Variants in HERC2 observed in about 807,000 individuals in gnomAD.
The protein encoded by HERC2 is E3 ubiquitin-protein ligase HERC2.
A neutral mutation model predicts 537.7 loss-of-function variants in HERC2; 102 were observed. The ratio of observed to expected loss-of-function variants is 0.19; its 90% CI spans 0.16 to 0.22. HERC2 has a LOEUF of 0.22. Among genes scored for constraint, HERC2 ranks in the 10% least tolerant of loss-of-function variants. HERC2 has a pLI of 1.00. For missense variants in HERC2, 4,236 were observed against 6,198.2 expected, an observed-to-expected ratio of 0.68 and a Z score of 10.63; for synonymous variants, 2,224 against 2,466.2, an observed-to-expected ratio of 0.90 and a Z score of 2.91.
At position 28,212,583 on chromosome 15, in the gene HERC2, G is replaced by C; in HGVS notation, c.6787C>G (p.Leu2263Val). 1 of 1,607,346 alleles carries C rather than the reference G, an allele frequency of 6.2e-7. No individual in the cohort carries two copies. The highest frequency in any genetic ancestry group is 8.5e-7 in the Non-Finnish European group (1 of 1,176,278). The change falls in exon 43 of 93, where the codon CTC becomes GTC. Residue 2263 changes from leucine to valine, a missense_variant and splice_region_variant. Leu to Val is a conservative substitution (Grantham distance 32, BLOSUM62 1). Transcript: ENST00000261609. ...TTCACATTAAAGGCCACGGCAGGGA[G>C]CTGGAGAGGACACAGAAGCTGTCAG... Reference protein sequence around the residue: ...RVCPLNQLKPLPAVAFNVNNL... With the variant: ...RVCPLNQLKPVPAVAFNVNNL...
At chr15:28,300,791 C>A (rs1341197518) in intron 2 of HERC2, among the ~76,000 whole-genome samples, 1 of 111,192 alleles carries the variant, frequency 9.0e-6, no homozygotes, top group Non-Finnish European at 1.6e-5. Context: ...TCACTGCGCT[C>A]CAGCCTGGGT....
Position 28,270,863 on chromosome 15 carries a change from C to A in HERC2, c.1089G>T (p.Leu363Phe), listed in dbSNP as rs777915114. Residue 363 changes from leucine to phenylalanine, a missense_variant, in exon 10 of 93, where the codon TTG (leucine) becomes TTT (phenylalanine). By Grantham distance (22) the Leu-to-Phe change is conservative (BLOSUM62 0). Coordinates refer to ENST00000261609, the MANE Select transcript of HERC2 (RefSeq NM_004667.6). ...APHSEGDMHL[L>F]SGPLSPNESF... ...TCTCATTGGGGCTCAGAGGGCCAGA[C>A]AAAAGCTAGAAAGGAAAAGTAAACA... The A allele has an allele frequency of 1.9e-6, 3 of 1,613,054 alleles. No individual in the cohort carries two copies. The highest frequency in any genetic ancestry group is 2.5e-6 in the Non-Finnish European group (3 of 1,179,702).
In HERC2 at chr15:28,206,879, T is replaced by C. The variant is rs955850517; in HGVS notation, c.7070-497A>G. On this transcript the variant is annotated intron_variant, in intron 44 of 92. Transcript: ENST00000261609. ...AAAAAAAATTAACTGGGCGTGGTGG[T>C]GCGTGCCTGTAATCCCAGCTACTCG... Among the ~76,000 whole-genome samples, 23 of 139,880 alleles carry C rather than the reference T, an allele frequency of 1.6e-4. No homozygotes were observed. In the East Asian group the frequency reaches 4.6e-3, roughly 28 times the overall value. 91.8% of individuals were successfully genotyped at this position (139,880 alleles called of 152,430 possible). A position where few individuals can be genotyped will look rare whatever the true frequency, so the allele number is the denominator to read the frequency against.
chr15:28,162,210 A>G (rs936033643), intron 69 of HERC2, among the ~76,000 whole-genome samples: 22 of 152,318 alleles, frequency 1.4e-4, no homozygotes, highest in African/African-American at 5.3e-4. Flanking sequence ...CATGCCTGTA[A>G]TCCCAGCTAC....
At chr15:28,223,278 G>T (rs1047422173) in intron 35 of HERC2, among the ~76,000 whole-genome samples, 46 of 152,100 alleles carry the variant, frequency 3.0e-4, no homozygotes, top group African/African-American at 9.9e-4. Flanking sequence ...AAACTGAGAG[G>T]GGGTAGGAGT....
intron 52 of HERC2, among the ~76,000 whole-genome samples, chr15:28,192,352 T>C (rs895779384): frequency 2.6e-5 from 4 of 152,202 alleles, no homozygotes; most frequent in East Asian, 1.9e-4. Flanking sequence ...CATAATGCTA[T>C]GATTTATTCT....
intron 56 of HERC2, 152 bp downstream of exon 56, chr15:28,186,425 A>G: frequency 1.8e-6 from 1 of 553,534 alleles, no homozygotes; most frequent in South Asian, 4.0e-5. Flanking sequence ...TTTAAAAAAT[A>G]CAATTTTTGG....
intron 53 of HERC2, among the ~76,000 whole-genome samples, chr15:28,191,683 C>T (rs532758506): frequency 3.3e-5 from 5 of 152,320 alleles, no homozygotes; most frequent in African/African-American, 7.2e-5. Context: ...TGAATTCATA[C>T]ATTCTATGCA....
chr15:28,253,337 T>C (rs1036867510), intron 20 of HERC2, among the ~76,000 whole-genome samples: 1 of 152,242 alleles, frequency 6.6e-6, no homozygotes, highest in Non-Finnish European at 1.5e-5. Context: ...CAAAGTAGTA[T>C]GTACAACTCT....
At chr15:28,269,171 C>A in intron 11 of HERC2, 77 bp downstream of exon 11, 1 of 1,166,730 alleles carries the variant, frequency 8.6e-7, no homozygotes, top group Non-Finnish European at 1.2e-6. Flanking sequence ...CTTAAAGAAA[C>A]ACCAGAGCTT....
At chr15:28,298,234 A>G (rs1436406284) in intron 3 of HERC2, among the ~76,000 whole-genome samples, 1 of 146,544 alleles carries the variant, frequency 6.8e-6, no homozygotes, top group Non-Finnish European at 1.5e-5. Flanking sequence ...GCTCACTGCA[A>G]CCTCCACCTC....
At position 28,175,675 on chromosome 15, in the gene HERC2, T is replaced by C; in HGVS notation, c.9687-19A>G. ...CTTTCCCCTGAGAGAAGGCCCATGG[T>C]GGAGAGTTACAATACGGTTATGGTC... On this transcript the variant is annotated intron_variant, in intron 63 of 92. Transcript: ENST00000261609. 1 of 1,613,772 alleles carries C rather than the reference T, an allele frequency of 6.2e-7. No individual in the cohort carries two copies. The highest frequency in any genetic ancestry group is 8.5e-7 in the Non-Finnish European group (1 of 1,179,776).
Position 28,176,384 on chromosome 15 carries a change from C to T in HERC2, c.9686+44G>A. 3 of 1,602,870 alleles carry T rather than the reference C, an allele frequency of 1.9e-6. No individual in the cohort carries two copies. Among genetic ancestry groups the T allele is most frequent in the African/African-American group, 1.3e-5 (1 of 74,842 alleles). On this transcript the variant is annotated intron_variant, in intron 63 of 92. Transcript: ENST00000261609. The surrounding 1 kb of genome is among the most constrained non-coding windows in gnomAD (Gnocchi z 5.0). ...GCGAGGCCCAGGTTCCCTGCACACACCTGCACAAGCACACACAGTGTGACA... is the reference window on the plus strand; with the variant it reads ...GCGAGGCCCAGGTTCCCTGCACACATCTGCACAAGCACACACAGTGTGACA...
intron 69 of HERC2, among the ~76,000 whole-genome samples, chr15:28,159,698 A>T (rs1270539697): frequency 2.6e-5 from 4 of 152,078 alleles, no homozygotes; most frequent in African/African-American, 9.7e-5. Flanking sequence ...TAGCTCGGAG[A>T]AGTTTGATCG....
At chr15:28,144,313 G>T in intron 72 of HERC2, 78 bp from the exon 73 acceptor site, 2 of 1,509,114 alleles carry the variant, frequency 1.3e-6, no homozygotes, top group Non-Finnish European at 1.8e-6. Context: ...ACGAACAAGG[G>T]TGGCTCCACC....
intron 42 of HERC2, chr15:28,213,490 ATAGATGCACGG>A (rs1259128722): frequency 5.5e-6 from 1 of 182,852 alleles, no homozygotes; most frequent in Non-Finnish European, 9.7e-6. Context: ...GAACTACCTC[ATAGATGCACGG>A]TACCTTCTAG....
chr15:28,245,830 A>T, intron 23 of HERC2, 51 bp downstream of exon 23: 1 of 1,444,512 alleles, frequency 6.9e-7, no homozygotes, highest in Non-Finnish European at 9.6e-7. Flanking sequence ...AGAATAGGTT[A>T]GACAAGGACA....
At chr15:28,261,305 G>A (rs572009801) in intron 15 of HERC2, among the ~76,000 whole-genome samples, 30 of 151,678 alleles carry the variant, frequency 2.0e-4, no homozygotes, top group African/African-American at 6.5e-4. Flanking sequence ...TCTCCCATCC[G>A]AGATTTAACA....
intron 16 of HERC2, among the ~76,000 whole-genome samples, chr15:28,259,812 A>G (rs897757484): frequency 2.6e-5 from 4 of 150,968 alleles, no homozygotes; most frequent in African/African-American, 4.9e-5. Context: ...AAAAAAAAAT[A>G]CAAAAATTAG....
Sources: gnomAD v4.1 joint callset for allele counts (sites outside exome capture counted in the v4.1 genomes callset) on GRCh38, gnomAD v4.1.1 for gene constraint, Gnocchi (gnomAD v3.1) non-coding constraint, MANE v1.5 for transcripts, NCBI Gene and HGNC (gene_info 2026-07-23, HGNC 2026-07-21) for gene names.